The following KCNIP4 variants were observed in gnomAD, a reference collection of about 807,000 sequenced individuals.
The protein encoded by KCNIP4 is potassium voltage-gated channel interacting protein 4, also known as Kv channel-interacting protein 4.
In KCNIP4, 12 loss-of-function variants were observed where a neutral mutation model predicts 34.0. The observed-to-expected ratio is 0.35, with a 90% CI of 0.23 to 0.57. The LOEUF is 0.57. Among genes scored for constraint, KCNIP4 ranks in the 20% least tolerant of loss-of-function variants. KCNIP4 has a pLI of 0.83. For synonymous variants in KCNIP4, 124 were observed against 102.2 expected (o/e 1.21, Z -1.29); for missense variants, 238 against 311.7 (o/e 0.76, Z 1.78).
intron 5 of KCNIP4, among the ~76,000 whole-genome samples, chr4:20,748,028 C>T (rs1578503543): frequency 6.6e-6 from 1 of 152,102 alleles, no homozygotes; most frequent in African/African-American, 2.4e-5. Flanking sequence ...GGAGTTCAGG[C>T]TTTTATCAGA....
intron 1 of KCNIP4, among the ~76,000 whole-genome samples, chr4:21,024,550 C>T (rs1336184115): frequency 6.6e-6 from 1 of 152,150 alleles, no homozygotes; most frequent in Non-Finnish European, 1.5e-5. Flanking sequence ...ATTTTTAAAG[C>T]TTACATTTTC....
At chr4:21,704,575 G>A (rs2109067124) in intron 1 of KCNIP4, among the ~76,000 whole-genome samples, 1 of 152,012 alleles carries the variant, frequency 6.6e-6, no homozygotes, top group East Asian at 1.9e-4. Context: ...TCACCACAAA[G>A]GTAAAACAGA....
intron 1 of KCNIP4, among the ~76,000 whole-genome samples, chr4:21,825,287 C>T (rs1414630984): frequency 1.3e-5 from 2 of 151,216 alleles, no homozygotes; most frequent in African/African-American, 4.9e-5. Flanking sequence ...AAAAAAAAAA[C>T]CTGCAACTGG....
At chr4:21,439,304 TA>T (rs907909308) in intron 1 of KCNIP4, among the ~76,000 whole-genome samples, 22 of 152,272 alleles carry the variant, frequency 1.4e-4, no homozygotes, top group African/African-American at 5.1e-4. Context: ...ATATCGCCAT[TA>T]AATATTTTTC....
At chr4:21,890,762 T>C (rs1176995537) in intron 1 of KCNIP4, among the ~76,000 whole-genome samples, 2 of 152,118 alleles carry the variant, frequency 1.3e-5, no homozygotes, top group African/African-American at 4.8e-5. Context: ...GAGAACTGTC[T>C]TTCCTCTTGG....
At chr4:21,231,353 TG>T (rs1234585374) in intron 1 of KCNIP4, among the ~76,000 whole-genome samples, 1 of 152,220 alleles carries the variant, frequency 6.6e-6, no homozygotes, top group African/African-American at 2.4e-5. Flanking sequence ...TTTGTATCTA[TG>T]TATGTTCCTC....
intron 1 of KCNIP4, among the ~76,000 whole-genome samples, chr4:21,358,815 T>G (rs1429068599): frequency 1.3e-5 from 2 of 152,128 alleles, no homozygotes; most frequent in African/African-American, 2.4e-5. Flanking sequence ...CATCAGAAAC[T>G]CAAACAAATG....
chr4:21,236,243 T>A (rs570792737), intron 1 of KCNIP4, among the ~76,000 whole-genome samples: 3 of 152,178 alleles, frequency 2.0e-5, no homozygotes, highest in Non-Finnish European at 2.9e-5. Flanking sequence ...AAAGATCTTA[T>A]AAGAAGCAAC....
At chr4:21,504,475 A>AAAAAAAG (rs1264431211) in intron 1 of KCNIP4, among the ~76,000 whole-genome samples, 2 of 101,876 alleles carry the variant, frequency 2.0e-5, no homozygotes, top group Non-Finnish European at 3.9e-5. Flanking sequence ...CAAAAAAAAA[A>AAAAAAAG]AAAGAAAGAA....
At chr4:21,423,737 T>G (rs1725693950) in intron 1 of KCNIP4, among the ~76,000 whole-genome samples, 1 of 152,152 alleles carries the variant, frequency 6.6e-6, no homozygotes, top group African/African-American at 2.4e-5. Context: ...GACAAAACCA[T>G]GCTACCAGCC....
At chr4:21,664,750 C>T (rs1748709363) in intron 1 of KCNIP4, among the ~76,000 whole-genome samples, 1 of 152,114 alleles carries the variant, frequency 6.6e-6, no homozygotes, top group Non-Finnish European at 1.5e-5. Context: ...CTTCATCTCA[C>T]CATGCCACCT....
At chr4:21,307,931 C>T (rs541498211) in intron 1 of KCNIP4, among the ~76,000 whole-genome samples, 1 of 152,126 alleles carries the variant, frequency 6.6e-6, no homozygotes, top group Non-Finnish European at 1.5e-5. Flanking sequence ...AGAAGGTTGC[C>T]CTGCCCAAAA....
chr4:20,789,046 C>T (rs1306319278), intron 3 of KCNIP4, among the ~76,000 whole-genome samples: 1 of 152,114 alleles, frequency 6.6e-6, no homozygotes, highest in Non-Finnish European at 1.5e-5. Context: ...AACAAAAAAA[C>T]TCCCACATGT....
At chr4:21,490,634 C>T (rs1192264802) in intron 1 of KCNIP4, among the ~76,000 whole-genome samples, 1 of 152,024 alleles carries the variant, frequency 6.6e-6, no homozygotes, top group African/African-American at 2.4e-5. Flanking sequence ...TCTGTAAAAC[C>T]ACAAAAAGCC....
rs538517531 is a variant in KCNIP4 at position 21,416,509 on chromosome 4, G to A, written c.61+532062C>T. ...AGCACAGCAAGCCACTGAGAACAAA[G>A]GAACAAGTGGCAATTACTTTGTCTA... On this transcript the variant is annotated intron_variant, in intron 1 of 8. Transcript: ENST00000382152. 2.0e-5 allele frequency among the ~76,000 whole-genome samples: 3 copies of A among 152,230 alleles called. No individual in the cohort carries two copies. In the South Asian group the frequency reaches 6.2e-4, roughly 32 times the overall value.
intron 1 of KCNIP4, among the ~76,000 whole-genome samples, chr4:20,997,272 TA>T (rs1737643569): frequency 6.6e-6 from 1 of 152,130 alleles, no homozygotes; most frequent in Admixed American, 6.5e-5. Context: ...TAGGCTGTTG[TA>T]ATGGTCTATA....
chr4:20,784,026 G>A (rs1353999994), intron 3 of KCNIP4, among the ~76,000 whole-genome samples: 1 of 152,054 alleles, frequency 6.6e-6, no homozygotes, highest in Admixed American at 6.6e-5. Context: ...ATTCTCTGAG[G>A]CATCACAGGG....
intron 1 of KCNIP4, among the ~76,000 whole-genome samples, chr4:21,167,325 A>C (rs1753703560): frequency 6.6e-6 from 1 of 152,224 alleles, no homozygotes; most frequent in African/African-American, 2.4e-5. Flanking sequence ...GATACTTTAA[A>C]TATGTACAAT....
chr4:21,940,816 T>C (rs1485554861), intron 1 of KCNIP4, among the ~76,000 whole-genome samples: 1 of 152,204 alleles, frequency 6.6e-6, no homozygotes, highest in Non-Finnish European at 1.5e-5. Context: ...CACAGAGTTG[T>C]TTTATAAATG....
Sources: gnomAD v4.1 joint callset for allele counts (sites outside exome capture counted in the v4.1 genomes callset) on GRCh38, gnomAD v4.1.1 for gene constraint, MANE v1.5 for transcripts, NCBI Gene and HGNC (gene_info 2026-07-23, HGNC 2026-07-21) for gene names.